The following TRIM34 variants were observed in gnomAD, a reference collection of about 807,000 sequenced individuals.
TRIM34 encodes the protein E3 ubiquitin-protein ligase TRIM34.
TRIM34 carries 41 observed loss-of-function variants against 38.1 expected under a neutral mutation model. The ratio of observed to expected loss-of-function variants is 1.08; its 90% CI spans 0.84 to 1.40. The LOEUF (loss-of-function observed/expected upper bound fraction) is 1.40, where lower values mean the gene tolerates loss of function less well. Ranked by LOEUF, TRIM34 falls within the 40% of genes most tolerant of loss-of-function variation. The pLI is 0.00. For missense variants in TRIM34, 556 were observed against 571.4 expected (o/e 0.97, Z 0.27); for synonymous variants, 200 against 202.5 (o/e 0.99, Z 0.10).
chr11:5,628,806 A>AT lies in TRIM34; in HGVS notation c.-77-3438dup, dbSNP rs71053285. ...CAAAACCAAGATGGCGGCAAAGTTG[A>AT]TTTTTTTTTTTCAGAAGGCTCTATG... On this transcript the variant is annotated intron_variant, in intron 1 of 7. Transcript: ENST00000429814. Among the ~76,000 whole-genome samples the AT allele has an allele frequency of 5.3e-3, 794 of 149,474 alleles. 6 individuals are homozygous for AT. The highest frequency in any genetic ancestry group is 0.018 in the African/African-American group (729 of 40,624).
Position 5,633,946 on chromosome 11 carries a change from A to T in TRIM34, c.519+47A>T. The T allele has an allele frequency of 1.2e-6, 2 of 1,602,540 alleles. 1 individual carries two copies. The highest frequency in any genetic ancestry group is 2.2e-5 in the South Asian group (2 of 90,054). The stretch of plus-strand genomic sequence containing the variant: ...TTTCTGAGACAGGAATCTTGACAGG[A>T]CCTTAATCCAAGGAGGCCTCGTCCT... On this transcript the variant is annotated intron_variant, in intron 3 of 7. Transcript: ENST00000429814.
At chr11:5,629,634 CA>C (rs1157336329) in intron 1 of TRIM34, among the ~76,000 whole-genome samples, 1 of 152,222 alleles carries the variant, frequency 6.6e-6, no homozygotes, top group East Asian at 1.9e-4. Context: ...CTTAACTCCA[CA>C]GGGGGAATAC....
chr11:5,619,984 G>A (rs908880495), exon 1 of TRIM34: 1 of 151,592 alleles, frequency 6.6e-6, no homozygotes, highest in Non-Finnish European at 1.5e-5. Flanking sequence ...ACAGGTGTGA[G>A]CCACTGCGCC....
At chr11:5,634,945 G>A in intron 4 of TRIM34, 84 bp downstream of exon 4, 1 of 1,473,394 alleles carries the variant, frequency 6.8e-7, no homozygotes, top group Non-Finnish European at 9.1e-7. Context: ...GTGACACTAA[G>A]GGGTTTCTTT....
chr11:5,641,755 T>A (rs1165272761), intron 5 of TRIM34, among the ~76,000 whole-genome samples: 2 of 152,182 alleles, frequency 1.3e-5, no homozygotes, highest in Non-Finnish European at 2.9e-5. Context: ...AAAAGTGTAG[T>A]CCTTGTTCCT....
upstream of TRIM34, among the ~76,000 whole-genome samples, chr11:5,622,385 T>C (rs1849020288): frequency 6.8e-6 from 1 of 147,278 alleles, no homozygotes; most frequent in African/African-American, 2.5e-5. Flanking sequence ...GCGGAGCTTG[T>C]AGTGAGCCGA....
At chr11:5,631,885 TA>T (rs1227411472) in intron 1 of TRIM34, among the ~76,000 whole-genome samples, 1 of 152,122 alleles carries the variant, frequency 6.6e-6, no homozygotes, top group Non-Finnish European at 1.5e-5. Context: ...GGTGGACATT[TA>T]AAAATAGATA....
Position 5,643,994 on chromosome 11 carries a change from T to C in TRIM34, c.*285T>C, listed in dbSNP as rs1481009715. ...TATCCATGTTTCACTTTATCACTGA[T>C]ATGAAGAGGCCCAAAGCCTGTTAGC... On this transcript the variant is annotated 3_prime_UTR_variant, in exon 8 of 8. Coordinates refer to ENST00000429814, the MANE Select transcript of TRIM34 (RefSeq NM_021616.6). 10 of 503,982 alleles carry C rather than the reference T, an allele frequency of 2.0e-5. No homozygotes were observed. Among genetic ancestry groups the C allele is most frequent in the Non-Finnish European group, 3.0e-5 (9 of 296,172 alleles). 31.2% of individuals were successfully genotyped at this position (503,982 alleles called of 1,614,324 possible). A position where few individuals can be genotyped will look rare whatever the true frequency, so the allele number is the denominator to read the frequency against.
chr11:5,630,168 A>G (rs554691326), intron 1 of TRIM34, among the ~76,000 whole-genome samples: 2 of 152,234 alleles, frequency 1.3e-5, no homozygotes, highest in Non-Finnish European at 2.9e-5. Context: ...CAAGAGTCTC[A>G]ATCCTCTTAC....
At chr11:5,622,559 G>C (rs1038142248), upstream of TRIM34, among the ~76,000 whole-genome samples, 12 of 151,540 alleles carry the variant, frequency 7.9e-5, no homozygotes, top group Admixed American at 7.9e-4. Flanking sequence ...CGGAGGTTGC[G>C]GTGAGCCAAG....
chr11:5,625,256 T>C (rs1220701138), intron 1 of TRIM34, among the ~76,000 whole-genome samples, 196 bp downstream of exon 1: 2 of 152,128 alleles, frequency 1.3e-5, no homozygotes, highest in Non-Finnish European at 2.9e-5. Flanking sequence ...TTGAAAGCAG[T>C]GTTAAAGAGG....
intron 4 of TRIM34, among the ~76,000 whole-genome samples, chr11:5,639,524 T>C (rs1395586714): frequency 6.6e-6 from 1 of 150,942 alleles, no homozygotes; most frequent in African/African-American, 2.4e-5. Flanking sequence ...ACTAAAAATA[T>C]TAAAAATTAG....
At chr11:5,643,065 A>G (rs998366704) in intron 7 of TRIM34, 79 bp from the exon 8 acceptor site, 7 of 1,283,240 alleles carry the variant, frequency 5.5e-6, no homozygotes, top group African/African-American at 1.5e-5. Flanking sequence ...AACCTACTCC[A>G]TATCTGTCAC....
chr11:5,643,388 A>C lies in TRIM34; in HGVS notation c.1146A>C (p.Ala382=), dbSNP rs764457321. Residue 382 remains alanine (A), a synonymous_variant, in exon 8 of 8, where the codon GCA becomes GCC. Coordinates refer to ENST00000429814, the MANE Select transcript of TRIM34 (RefSeq NM_021616.6). The stretch of plus-strand genomic sequence containing the variant: ...TGAAGTATGTTGTTAGAAGATGTGC[A>C]AATCGTCAAAATCTTTACACCAAAT... ...RHMKYVVRRC[A]NRQNLYTKYR... is the part of the protein sequence containing the mutation. 6.2e-6 allele frequency: 10 copies of C among 1,614,140 alleles called. No individual in the cohort carries two copies. The East Asian group carries it at 2.2e-4, about 36-fold the overall frequency.
intron 4 of TRIM34, among the ~76,000 whole-genome samples, chr11:5,638,213 A>G (rs1030806068): frequency 6.6e-6 from 1 of 152,250 alleles, no homozygotes; most frequent in African/African-American, 2.4e-5. Flanking sequence ...GCAGAAAATA[A>G]TATCAGTGAA....
chr11:5,632,507 G>T lies in TRIM34; in HGVS notation c.176G>T (p.Cys59Phe). 2 of 1,613,990 alleles carry T rather than the reference G, an allele frequency of 1.2e-6. No homozygotes were observed. Among genetic ancestry groups the T allele is most frequent in the Non-Finnish European group, 1.7e-6 (2 of 1,179,998 alleles). The change falls in exon 2 of 8, where the codon TGT becomes TTT. Residue 59 changes from cysteine to phenylalanine, a missense_variant. Physicochemically the swap from Cys to Phe is radical, Grantham distance 205. Coordinates refer to ENST00000429814, the MANE Select transcript of TRIM34 (RefSeq NM_021616.6). ...GGAGGAAAAAGCAGCTGTCCTGTGT[G>T]TGGTATCAGTTACTCATTTGAACAT... ...SMGGKSSCPV[C>F]GISYSFEHLQ... is the part of the protein sequence containing the mutation.
At chr11:5,641,088 TC>T (rs112079325) in intron 4 of TRIM34, 78 bp from the exon 5 acceptor site, 302 of 1,491,136 alleles carry the variant, frequency 2.0e-4, no homozygotes, top group South Asian at 2.3e-4. Flanking sequence ...CCATTTTTTT[TC>T]CTACTGTTCT....
At chr11:5,620,815 G>T (rs934064762), upstream of TRIM34, among the ~76,000 whole-genome samples, 1 of 152,118 alleles carries the variant, frequency 6.6e-6, no homozygotes, top group African/African-American at 2.4e-5. Flanking sequence ...ATGAAGCAAA[G>T]CCTGTTCTGC....
At chr11:5,636,888 T>C (rs1049687131) in intron 4 of TRIM34, among the ~76,000 whole-genome samples, 3 of 152,216 alleles carry the variant, frequency 2.0e-5, no homozygotes, top group Non-Finnish European at 2.9e-5. Context: ...GGCTCACGCC[T>C]GTAATCCCAG....
Sources: allele counts gnomAD v4.1 joint callset (sites outside exome capture counted in the v4.1 genomes callset), GRCh38; gene constraint gnomAD v4.1.1; transcripts MANE v1.5; gene names NCBI Gene and HGNC (gene_info 2026-07-23, HGNC 2026-07-21).